Variants in ZNF221 observed in about 807,000 individuals in gnomAD.
ZNF221 encodes zinc finger protein 221.
In ZNF221, 10 loss-of-function variants were observed where a neutral mutation model predicts 12.6. The ratio of observed to expected loss-of-function variants is 0.79; its 90% CI spans 0.49 to 1.34. The LOEUF (loss-of-function observed/expected upper bound fraction) is 1.34. Ranked by LOEUF, ZNF221 falls within the 40% of genes most tolerant of loss-of-function variation. ZNF221 has a pLI of 0.00. For missense variants in ZNF221, 661 were observed against 721.4 expected, an observed-to-expected ratio of 0.92 and a Z score of 0.96; for synonymous variants, 232 against 244.0, an observed-to-expected ratio of 0.95 and a Z score of 0.46.
the ZNF221 span, among the ~76,000 whole-genome samples, chr19:43,974,027 C>T: frequency 3.1e-3 from 465 of 152,248 alleles, 4 homozygotes; most frequent in African/African-American, 8.3e-3. Flanking sequence ...GTAACGAAAA[C>T]AGCATAGTAC....
chr19:43,980,283 A>C, the ZNF221 span, among the ~76,000 whole-genome samples: 1 of 152,232 alleles, frequency 6.6e-6, no homozygotes, highest in Admixed American at 6.5e-5. Flanking sequence ...GTAAACAGAA[A>C]TCCAACTGGA....
rs1255374359 is a variant in ZNF221, at chr19:43,951,378, G to A, written c.-25G>A. 2.0e-5 allele frequency: 3 copies of A among 152,344 alleles called. No individual in the cohort carries two copies. The highest frequency in any genetic ancestry group is 1.5e-5 in the Non-Finnish European group (1 of 68,134). 9.4% of individuals were successfully genotyped at this position (152,344 alleles called of 1,614,324 possible). A position where few individuals can be genotyped will look rare whatever the true frequency, so the allele number is the denominator to read the frequency against. ...GAGCTAGCGATAGATTTAGAGGAAA[G>A]GAAGCACCGTCGGAAAGCAAAGGTT... is the stretch of plus-strand genomic sequence containing the variant. On this transcript the variant is annotated 5_prime_UTR_variant, in exon 1 of 5. Transcript: ENST00000587682.
At position 43,966,247 on chromosome 19, in the gene ZNF221, A is replaced by G; in HGVS notation, c.745A>G (p.Thr249Ala). Reference protein sequence around the residue: ...SHLQTHQRVHTGEKPFKCGQC... With the variant: ...SHLQTHQRVHAGEKPFKCGQC... ...TCTGCAAACTCATCAGAGAGTCCATACTGGAGAGAAACCATTCAAATGTGG... is the reference window on the plus strand; with the variant it reads ...TCTGCAAACTCATCAGAGAGTCCATGCTGGAGAGAAACCATTCAAATGTGG... The change falls in exon 5 of 5, where the codon ACT becomes GCT. Residue 249 changes from threonine to alanine, a missense_variant. Transcript: ENST00000587682. The G allele has an allele frequency of 1.2e-6, 2 of 1,614,246 alleles. No homozygotes were observed.
chr19:43,965,447 G>T, intron 4 of ZNF221, 122 bp downstream of exon 4: 5 of 769,280 alleles, frequency 6.5e-6, no homozygotes, highest in East Asian at 2.8e-5. Context: ...TATTGCAACT[G>T]CCTTCCTTCT....
chr19:43,952,626 G>A (rs1341249330), intron 1 of ZNF221, among the ~76,000 whole-genome samples: 1 of 152,188 alleles, frequency 6.6e-6, no homozygotes. Context: ...TGGAGCCGGG[G>A]TTGGAACCTT....
the ZNF221 span, among the ~76,000 whole-genome samples, chr19:43,974,028 A>G: frequency 6.6e-6 from 1 of 152,374 alleles, no homozygotes; most frequent in South Asian, 2.1e-4. Flanking sequence ...TAACGAAAAC[A>G]GCATAGTACT....
chr19:43,969,637 C>T (rs1336694645), downstream of ZNF221, among the ~76,000 whole-genome samples: 4 of 152,180 alleles, frequency 2.6e-5, no homozygotes, highest in African/African-American at 9.7e-5. Flanking sequence ...GCATGAGCCA[C>T]TGCACCTGGC....
Position 43,962,761 on chromosome 19 carries a change from G to T in ZNF221, c.35G>T (p.Gly12Val). The change falls in exon 2 of 5, where the codon GGA (glycine) becomes GTA (valine). Residue 12 changes from glycine (G) to valine (V), a missense_variant. Coordinates refer to ENST00000587682, the MANE Select transcript of ZNF221 (RefSeq NM_001297588.2). Reference protein sequence around the residue: ...ISPSLELLHSGLCKFPEVEGK... With the variant: ...ISPSLELLHSVLCKFPEVEGK... Reference sequence around the variant, plus strand: ...CCTTCACTTGAACTGCTTCATTCAGGACTCTGCAAATTCCCTGAAGTAGAA... The same window carrying T: ...CCTTCACTTGAACTGCTTCATTCAGTACTCTGCAAATTCCCTGAAGTAGAA... 1 of 1,613,912 alleles carries T rather than the reference G, an allele frequency of 6.2e-7. No individual in the cohort carries two copies. The highest frequency in any genetic ancestry group is 8.5e-7 in the Non-Finnish European group (1 of 1,179,896).
rs1974911120 is a variant in ZNF221 at position 43,964,939 on chromosome 19, G to C, written c.82-11G>C. ...TCATAAGATTTAGGTTTTGTATGTT[G>C]GATATTTTAGGAGGCAGTGACATTC... On this transcript the variant is annotated splice_polypyrimidine_tract_variant and intron_variant, in intron 2 of 4. Transcript: ENST00000587682. 1.2e-6 allele frequency: 2 copies of C among 1,613,928 alleles called. No homozygotes were observed. The highest frequency in any genetic ancestry group is 2.7e-5 in the African/African-American group (2 of 74,890).
chr19:43,969,898 G>C (rs1304797541), downstream of ZNF221, among the ~76,000 whole-genome samples: 1 of 152,212 alleles, frequency 6.6e-6, no homozygotes, highest in Non-Finnish European at 1.5e-5. Context: ...CAGCACACCT[G>C]CTGTACCAAA....
At chr19:43,977,100 T>C in the ZNF221 span, 3 of 152,246 alleles carry the variant, frequency 2.0e-5, no homozygotes, top group African/African-American at 7.2e-5. Flanking sequence ...AATCCTATTG[T>C]AGCCTTCATA....
chr19:43,976,599 C>T, the ZNF221 span, among the ~76,000 whole-genome samples: 289 of 152,268 alleles, frequency 1.9e-3, 1 homozygote, highest in Non-Finnish European at 2.3e-3. Flanking sequence ...TCTGTGCAGG[C>T]TTTAATATGA....
downstream of ZNF221, among the ~76,000 whole-genome samples, chr19:43,970,794 C>T (rs755323009): frequency 2.0e-5 from 3 of 152,092 alleles, no homozygotes; most frequent in Non-Finnish European, 4.4e-5. Flanking sequence ...TGACTGATTG[C>T]GGAACCTGAA....
chr19:43,963,128 A>C (rs1433808275), intron 2 of ZNF221, among the ~76,000 whole-genome samples: 1 of 152,172 alleles, frequency 6.6e-6, no homozygotes, highest in East Asian at 1.9e-4. Context: ...TATTGATGAC[A>C]TACCTCTAAT....
downstream of ZNF221, among the ~76,000 whole-genome samples, chr19:43,968,562 T>C (rs1031376197): frequency 6.6e-6 from 1 of 152,220 alleles, no homozygotes; most frequent in Non-Finnish European, 1.5e-5. Context: ...TTCAAAATTG[T>C]ATCTAAAAGA....
Position 43,966,544 on chromosome 19 carries a change from C to T in ZNF221, c.1042C>T (p.Arg348Cys), listed in dbSNP as rs150319141. Reference sequence around the variant, plus strand: ...ATGTGATACATGTGGCAAGAACTTTCGTCAGAGATCAGCACTTAATAGTCA... The same window carrying T: ...ATGTGATACATGTGGCAAGAACTTTTGTCAGAGATCAGCACTTAATAGTCA... ...FRCDTCGKNF[R>C]QRSALNSHSM... is the part of the protein sequence containing the mutation. Residue 348 changes from arginine to cysteine, a missense_variant, in exon 5 of 5, where the codon CGT (arginine) becomes TGT (cysteine). Transcript: ENST00000587682. The T allele has an allele frequency of 1.3e-4, 208 of 1,614,084 alleles. No homozygotes were observed. The highest frequency in any genetic ancestry group is 1.2e-3 in the African/African-American group (91 of 75,022).
At chr19:43,955,952 A>G (rs746606653) in intron 1 of ZNF221, among the ~76,000 whole-genome samples, 4 of 152,136 alleles carry the variant, frequency 2.6e-5, no homozygotes, top group Non-Finnish European at 5.9e-5. Flanking sequence ...TCCCCATTAG[A>G]ATGTTTTCCT....
chr19:43,964,594 C>G (rs2147342560), intron 2 of ZNF221, among the ~76,000 whole-genome samples: 1 of 144,170 alleles, frequency 6.9e-6, no homozygotes, highest in East Asian at 2.1e-4. Context: ...AAAGTTGGGA[C>G]TAAACTTCTA....
the ZNF221 span, among the ~76,000 whole-genome samples, chr19:43,975,333 T>A: frequency 6.6e-6 from 1 of 152,158 alleles, no homozygotes; most frequent in African/African-American, 2.4e-5. Flanking sequence ...AAAGAAAATG[T>A]CATACATATA....
Sources: allele counts gnomAD v4.1 joint callset (sites outside exome capture counted in the v4.1 genomes callset), GRCh38; gene constraint gnomAD v4.1.1; transcripts MANE v1.5; gene names NCBI Gene and HGNC (gene_info 2026-07-23, HGNC 2026-07-21).